Variants in ATG13 observed in about 807,000 individuals in gnomAD.
ATG13 encodes the protein autophagy-related protein 13.
A neutral mutation model predicts 65.5 loss-of-function variants in ATG13; 23 were observed. The observed-to-expected ratio is 0.35, with a 90% CI of 0.25 to 0.50. The LOEUF (loss-of-function observed/expected upper bound fraction) is 0.50, where lower values mean the gene tolerates loss of function less well. Among genes scored for constraint, ATG13 ranks in the 20% least tolerant of loss-of-function variants. The pLI is 0.98. For missense variants in ATG13, 566 were observed against 677.0 expected (o/e 0.84, Z 1.82); for synonymous variants, 252 against 245.2 (o/e 1.03, Z -0.26).
chr11:46,659,467 C>A lies in ATG13; in HGVS notation c.771C>A (p.Ser257=), dbSNP rs753001199. Residue 257 remains serine, a synonymous_variant, in exon 11 of 19, where the codon TCC becomes TCA. Transcript: ENST00000683050. ...DSQEVCTTSF[S]TSPPSQCVFT... is the part of the protein sequence containing the mutation. ...AAGAAGTGTGTACCACCTCTTTTTC[C>A]ACCTCCCCACCATCCCAGGTAGGGG... The A allele has an allele frequency of 6.2e-7, 1 of 1,613,656 alleles. No homozygotes were observed.
At chr11:46,627,378 C>G (rs1051187808) in intron 1 of ATG13, among the ~76,000 whole-genome samples, 1 of 150,872 alleles carries the variant, frequency 6.6e-6, no homozygotes, top group Non-Finnish European at 1.5e-5. Context: ...GACTCTGTCT[C>G]AAAAAATAAA....
chr11:46,643,746 G>T (rs1489355103), intron 2 of ATG13, among the ~76,000 whole-genome samples: 4 of 152,018 alleles, frequency 2.6e-5, no homozygotes, highest in African/African-American at 9.7e-5. Flanking sequence ...ATGACCCATA[G>T]CGGCCAGCCA....
At chr11:46,631,448 A>C (rs1477657400) in intron 2 of ATG13, among the ~76,000 whole-genome samples, 1 of 152,220 alleles carries the variant, frequency 6.6e-6, no homozygotes, top group Non-Finnish European at 1.5e-5. Context: ...CCATTCGTTC[A>C]TTATTATCTT....
rs2063979968 is a variant in ATG13, at chr11:46,672,448, T to G, written c.*116T>G. On this transcript the variant is annotated 3_prime_UTR_variant, in exon 19 of 19. Transcript: ENST00000683050. ...GCTCTGAGCCAGGTGGAAGGGAGGC[T>G]GGCTTCTCCCATGGGGACCCAGAAG... The G allele has an allele frequency of 3.8e-6, 6 of 1,580,792 alleles. No individual in the cohort carries two copies. In the South Asian group the frequency reaches 5.8e-5, roughly 15 times the overall value.
chr11:46,668,804 CAG>C lies in ATG13; in HGVS notation c.1342_1343del (p.Asp448PhefsTer5), dbSNP rs2063018299. On this transcript the variant is annotated frameshift_variant, in exon 17 of 19. Transcript: ENST00000683050. LOFTEE classifies it high-confidence loss of function. ...CTTGCTATGAAACAGGTGAATCCTC[CAG>C]ATTCCCCAGAGACTGAATCTCCTCT... 6.2e-7 allele frequency: 1 copy of C among 1,612,082 alleles called. No homozygotes were observed. Among genetic ancestry groups the C allele is most frequent in the Non-Finnish European group, 8.5e-7 (1 of 1,178,758 alleles).
chr11:46,657,017 A>G, intron 8 of ATG13, 78 bp from the exon 9 acceptor site: 1 of 1,255,614 alleles, frequency 8.0e-7, no homozygotes, highest in Non-Finnish European at 1.2e-6. Context: ...AATAGGCCAA[A>G]TAATTCAGGG....
intron 3 of ATG13, among the ~76,000 whole-genome samples, chr11:46,644,974 G>T (rs1036298062): frequency 6.6e-6 from 1 of 152,132 alleles, no homozygotes; most frequent in Non-Finnish European, 1.5e-5. Flanking sequence ...ATCTACCATG[G>T]TGTTATAAGT....
Position 46,650,300 on chromosome 11 carries a change from A to G in ATG13, c.441A>G (p.Glu147=), listed in dbSNP as rs138230726. 6.2e-7 allele frequency: 1 copy of G among 1,613,866 alleles called. No homozygotes were observed. The highest frequency in any genetic ancestry group is 1.3e-5 in the African/African-American group (1 of 74,930). ...AYRLSRKQGH[E]YVILYRIYFG... is the part of the protein sequence containing the mutation. ...GGCTCTCCAGGAAACAAGGGCATGA[A>G]TATGTCATATTATACAGGTAAACAG... The change falls in exon 7 of 19, where the codon GAA becomes GAG. Residue 147 remains glutamate, a synonymous_variant. Transcript: ENST00000683050.
At chr11:46,633,037 TTTTTGGC>T (rs1392054781) in intron 2 of ATG13, among the ~76,000 whole-genome samples, 2 of 141,372 alleles carry the variant, frequency 1.4e-5, no homozygotes, top group East Asian at 4.1e-4. Context: ...TTTTTTTTTT[TTTTTGGC>T]AACGGGGTCT....
At chr11:46,650,125 G>A in intron 6 of ATG13, 52 bp from the exon 7 acceptor site, 2 of 1,591,218 alleles carry the variant, frequency 1.3e-6, no homozygotes, top group Non-Finnish European at 8.6e-7. Context: ...TTGGTCTTGT[G>A]TAGCTCCAGC....
chr11:46,654,748 T>C (rs2059671042), intron 7 of ATG13, among the ~76,000 whole-genome samples: 1 of 151,588 alleles, frequency 6.6e-6, no homozygotes, highest in Non-Finnish European at 1.5e-5. Context: ...GCCAGGAGTT[T>C]GCAACCAGCC....
intron 18 of ATG13, among the ~76,000 whole-genome samples, chr11:46,671,830 G>T (rs1800262434): frequency 6.6e-6 from 1 of 152,222 alleles, no homozygotes; most frequent in African/African-American, 2.4e-5. Context: ...GGGCCACCTG[G>T]TTCACATTCC....
intron 2 of ATG13, among the ~76,000 whole-genome samples, chr11:46,635,361 T>C (rs1591635387): frequency 6.6e-6 from 1 of 152,214 alleles, no homozygotes; most frequent in East Asian, 1.9e-4. Flanking sequence ...ATTTATAGGA[T>C]ACAGTGATGT....
chr11:46,657,232 A>ATT, intron 9 of ATG13, 41 bp downstream of exon 9: 1 of 1,554,060 alleles, frequency 6.4e-7, no homozygotes, highest in Non-Finnish European at 8.9e-7. Flanking sequence ...TCTTCCGAAA[A>ATT]TGTTAAAGTT....
intron 11 of ATG13, among the ~76,000 whole-genome samples, chr11:46,661,019 T>TTTTTG (rs930114872): frequency 4.0e-5 from 6 of 151,824 alleles, no homozygotes; most frequent in South Asian, 2.1e-4. Context: ...CCTTCTGTGT[T>TTTTTG]TTTTGTTTTG....
intron 2 of ATG13, among the ~76,000 whole-genome samples, chr11:46,642,034 C>T (rs1438322703): frequency 6.6e-6 from 1 of 152,098 alleles, no homozygotes; most frequent in Non-Finnish European, 1.5e-5. Context: ...GATCCAACTG[C>T]CTCAGCCTCC....
intron 11 of ATG13, among the ~76,000 whole-genome samples, chr11:46,660,785 T>G (rs2061025653): frequency 1.3e-5 from 2 of 151,778 alleles, no homozygotes; most frequent in East Asian, 3.9e-4. Flanking sequence ...CATGGGTCAC[T>G]GCAGCCTAGA....
At chr11:46,642,943 G>A (rs1270251593) in intron 2 of ATG13, among the ~76,000 whole-genome samples, 1 of 152,208 alleles carries the variant, frequency 6.6e-6, no homozygotes, top group Non-Finnish European at 1.5e-5. Context: ...CTCTGCAAAG[G>A]AATTTGGAGG....
chr11:46,669,642 C>A, intron 18 of ATG13, 110 bp downstream of exon 18: 1 of 1,293,620 alleles, frequency 7.7e-7, no homozygotes, highest in Non-Finnish European at 1.1e-6. Context: ...AGGAAAGAGA[C>A]ATAATTAGAA....
Sources: gnomAD v4.1 joint callset for allele counts (sites outside exome capture counted in the v4.1 genomes callset) on GRCh38, gnomAD v4.1.1 for gene constraint, MANE v1.5 for transcripts, NCBI Gene and HGNC (gene_info 2026-07-23, HGNC 2026-07-21) for gene names.